Variants in RFC3 observed in about 807,000 individuals in gnomAD.
The protein encoded by RFC3 is replication factor C subunit 3.
A neutral mutation model predicts 45.1 loss-of-function variants in RFC3; 41 were observed. That is an observed-to-expected ratio of 0.91 (90% confidence interval 0.71 to 1.18). The LOEUF (loss-of-function observed/expected upper bound fraction) is 1.18, where lower values mean the gene tolerates loss of function less well. Ranked by LOEUF, RFC3 falls within the 50% of genes most tolerant of loss-of-function variation. RFC3 has a pLI of 0.00. For missense variants in RFC3, 423 were observed against 428.1 expected, an observed-to-expected ratio of 0.99 and a Z score of 0.10; for synonymous variants, 149 against 144.0, an observed-to-expected ratio of 1.03 and a Z score of -0.25.
chr13:33,897,458 T>C (rs895035847), intron 8 of RFC3, among the ~76,000 whole-genome samples: 49 of 151,714 alleles, frequency 3.2e-4, no homozygotes, highest in African/African-American at 1.2e-3. Context: ...TAAAACATAC[T>C]GCCAGGGAAA....
intron 8 of RFC3, among the ~76,000 whole-genome samples, chr13:33,835,810 T>C (rs1352722117): frequency 1.3e-5 from 2 of 152,204 alleles, no homozygotes; most frequent in African/African-American, 2.4e-5. Context: ...CAAATTATTA[T>C]TGTTATTATA....
At chr13:33,950,421 A>C (rs2082982464) in intron 8 of RFC3, among the ~76,000 whole-genome samples, 2 of 152,318 alleles carry the variant, frequency 1.3e-5, no homozygotes, top group South Asian at 4.1e-4. Context: ...TCTTTGTATT[A>C]TTATAAAAAT....
chr13:33,955,758 A>G (rs1398440838), intron 8 of RFC3, among the ~76,000 whole-genome samples: 1 of 152,214 alleles, frequency 6.6e-6, no homozygotes, highest in Non-Finnish European at 1.5e-5. Flanking sequence ...TTTCACAGCC[A>G]AATAACTTCA....
At chr13:33,838,555 T>G (rs2082174778), downstream of RFC3, among the ~76,000 whole-genome samples, 1 of 152,140 alleles carries the variant, frequency 6.6e-6, no homozygotes. Flanking sequence ...TGAGCCAATT[T>G]TCTTTTGCAG....
In RFC3 at chr13:33,924,661, G is replaced by GTA. The variant is rs747932039; in HGVS notation, c.880-41414_880-41413dup. Among the ~76,000 whole-genome samples, 299 of 146,432 alleles carry GTA rather than the reference G, an allele frequency of 2.0e-3. 1 individual carries two copies. Among genetic ancestry groups the GTA allele is most frequent in the African/African-American group, 6.7e-3 (269 of 39,968 alleles). ...ATTGATATTATATATCAATGTGTGTGTATATATATATATTATATATATATG... is the reference window on the plus strand; with the variant it reads ...ATTGATATTATATATCAATGTGTGTGTATATATATATATATTATATATATATG... On this transcript the variant is annotated intron_variant, in intron 8 of 8. Transcript: ENST00000434425.
chr13:33,821,557 G>A (rs991106058), intron 2 of RFC3, among the ~76,000 whole-genome samples: 1 of 152,206 alleles, frequency 6.6e-6, no homozygotes, highest in African/African-American at 2.4e-5. Context: ...GCTGAAATTA[G>A]AACTCAGGTT....
Position 33,895,301 on chromosome 13 carries a change from CAAAT to C in RFC3, c.879+60087_879+60090del, listed in dbSNP as rs771772691. The stretch of plus-strand genomic sequence containing the variant: ...CTATAAGAAACTCAAATCAGCAAAA[CAAAT>C]AATCCCATCAAAAAGTGGTCAGAGT... On this transcript the variant is annotated intron_variant, in intron 8 of 8. Coordinates refer to the RFC3 transcript ENST00000434425. 2.6e-5 allele frequency among the ~76,000 whole-genome samples: 4 copies of C among 152,114 alleles called. 1 individual carries two copies.
intron 8 of RFC3, among the ~76,000 whole-genome samples, chr13:33,899,022 A>G (rs995128565): frequency 1.3e-5 from 2 of 151,690 alleles, no homozygotes; most frequent in Admixed American, 1.3e-4. Context: ...AAAGTCTCCC[A>G]TCAAATAAAA....
At chr13:33,889,662 C>T (rs2082551311) in intron 8 of RFC3, among the ~76,000 whole-genome samples, 1 of 152,112 alleles carries the variant, frequency 6.6e-6, no homozygotes, top group South Asian at 2.1e-4. Context: ...ATTTTTCTTC[C>T]TTGCTGACTA....
intron 8 of RFC3, among the ~76,000 whole-genome samples, chr13:33,907,394 A>G (rs1479526283): frequency 6.6e-6 from 1 of 152,118 alleles, no homozygotes; most frequent in Non-Finnish European, 1.5e-5. Flanking sequence ...TTATTACCCC[A>G]TTATTACATA....
At chr13:33,923,379 A>G (rs115603583) in intron 8 of RFC3, among the ~76,000 whole-genome samples, 1,889 of 152,180 alleles carry the variant, frequency 0.012, 27 homozygotes, top group African/African-American at 0.043. Flanking sequence ...AATAGCCACA[A>G]AAGGCTGGAG....
At chr13:33,838,937 A>G (rs2082177508), downstream of RFC3, among the ~76,000 whole-genome samples, 1 of 151,796 alleles carries the variant, frequency 6.6e-6, no homozygotes, top group Non-Finnish European at 1.5e-5. Flanking sequence ...CAGCTGTGTA[A>G]TTTGTCTCCA....
chr13:33,910,278 G>A (rs1368997278), intron 8 of RFC3, among the ~76,000 whole-genome samples: 1 of 152,082 alleles, frequency 6.6e-6, no homozygotes, highest in African/African-American at 2.4e-5. Context: ...AAATTGGATA[G>A]CTGGTGTCTG....
downstream of RFC3, among the ~76,000 whole-genome samples, chr13:33,970,594 G>A (rs2083105823): frequency 6.6e-6 from 1 of 152,220 alleles, no homozygotes; most frequent in Non-Finnish European, 1.5e-5. Flanking sequence ...TTTGAGTGCA[G>A]TAGTTCACTT....
intron 8 of RFC3, among the ~76,000 whole-genome samples, chr13:33,893,193 T>G (rs960445007): frequency 6.6e-6 from 1 of 151,978 alleles, no homozygotes; most frequent in Non-Finnish European, 1.5e-5. Context: ...GGAAGTACAT[T>G]CCACAGGACC....
intron 8 of RFC3, among the ~76,000 whole-genome samples, chr13:33,835,847 A>G (rs974578926): frequency 3.9e-5 from 6 of 152,156 alleles, no homozygotes; most frequent in Non-Finnish European, 8.8e-5. Context: ...GCATCCTTAC[A>G]CTTATATCCT....
chr13:33,942,104 T>C (rs2082928005), intron 8 of RFC3, among the ~76,000 whole-genome samples: 3 of 152,132 alleles, frequency 2.0e-5, no homozygotes, highest in African/African-American at 7.2e-5. Flanking sequence ...TCTTTTTTTG[T>C]ACATTAATTA....
At chr13:33,939,074 G>T (rs373562762) in intron 8 of RFC3, among the ~76,000 whole-genome samples, 1 of 151,992 alleles carries the variant, frequency 6.6e-6, no homozygotes, top group African/African-American at 2.4e-5. Context: ...AACATGAAGG[G>T]CATGCTAAGG....
chr13:33,955,410 A>C lies in RFC3; in HGVS notation c.880-10677A>C, dbSNP rs79027533. ...AGAGTAGAATGAAAACAGCTAAAAA[A>C]AATTTGCTACAGTGCAACTAGCTGT... On this transcript the variant is annotated intron_variant, in intron 8 of 8. Coordinates refer to the RFC3 transcript ENST00000434425. Among the ~76,000 whole-genome samples the C allele has an allele frequency of 2.8e-3, 424 of 152,332 alleles. 2 individuals are homozygous for C. Among genetic ancestry groups the C allele is most frequent in the African/African-American group, 9.9e-3 (410 of 41,582 alleles).
Sources: gnomAD v4.1 joint callset for allele counts (sites outside exome capture counted in the v4.1 genomes callset) on GRCh38, gnomAD v4.1.1 for gene constraint, MANE v1.5 for transcripts, NCBI Gene and HGNC (gene_info 2026-07-23, HGNC 2026-07-21) for gene names.